The following SLC9A9 variants were observed in gnomAD, a reference collection of about 807,000 sequenced individuals.
SLC9A9 encodes the protein sodium/hydrogen exchanger 9.
SLC9A9 carries 62 observed loss-of-function variants against 77.8 expected under a neutral mutation model. That is an observed-to-expected ratio of 0.80 (90% CI 0.65 to 0.98). SLC9A9 has a LOEUF of 0.98. Among genes scored for constraint, SLC9A9 ranks in the 50% least tolerant of loss-of-function variants. SLC9A9 has a pLI of 0.00. For missense variants in SLC9A9, 775 were observed against 774.9 expected (o/e 1.00, Z 0.00); for synonymous variants, 320 against 283.5 (o/e 1.13, Z -1.29).
intron 12 of SLC9A9, among the ~76,000 whole-genome samples, chr3:143,417,708 T>C (rs920538141): frequency 2.0e-5 from 3 of 151,992 alleles, no homozygotes; most frequent in South Asian, 4.2e-4. Flanking sequence ...GCCAGCACTT[T>C]GATATTGGTC....
At chr3:143,585,852 G>A (rs985591775) in intron 6 of SLC9A9, among the ~76,000 whole-genome samples, 3 of 152,178 alleles carry the variant, frequency 2.0e-5, no homozygotes, top group Non-Finnish European at 2.9e-5. Context: ...TGTTTTGTGT[G>A]AGCCCACACT....
intron 4 of SLC9A9, among the ~76,000 whole-genome samples, chr3:143,791,891 G>A (rs569835284): frequency 1.3e-5 from 2 of 152,312 alleles, no homozygotes; most frequent in African/African-American, 4.8e-5. Flanking sequence ...CTGGGATAAT[G>A]AAGAAACGTG....
intron 6 of SLC9A9, among the ~76,000 whole-genome samples, chr3:143,637,367 A>C (rs1397588935): frequency 1.3e-5 from 2 of 152,246 alleles, no homozygotes; most frequent in African/African-American, 4.8e-5. Context: ...AATAGATTAG[A>C]CAAAGCAGAA....
intron 12 of SLC9A9, among the ~76,000 whole-genome samples, chr3:143,464,302 G>A (rs936148542): frequency 1.3e-5 from 2 of 152,124 alleles, no homozygotes; most frequent in Admixed American, 6.5e-5. Context: ...TCTAAATGAT[G>A]GGTGACTATG....
intron 4 of SLC9A9, among the ~76,000 whole-genome samples, chr3:143,745,351 G>A (rs1299376687): frequency 1.3e-5 from 2 of 152,206 alleles, no homozygotes; most frequent in East Asian, 1.9e-4. Context: ...AGAAGGAAGA[G>A]ACATGTTTGA....
At chr3:143,509,460 C>T (rs949828776) in intron 9 of SLC9A9, among the ~76,000 whole-genome samples, 1 of 151,992 alleles carries the variant, frequency 6.6e-6, no homozygotes, top group African/African-American at 2.4e-5. Flanking sequence ...TATAAAGCTC[C>T]CCTCTGTAAA....
chr3:143,598,759 A>G (rs2037800634), intron 6 of SLC9A9, among the ~76,000 whole-genome samples: 1 of 152,196 alleles, frequency 6.6e-6, no homozygotes, highest in Non-Finnish European at 1.5e-5. Flanking sequence ...TCCACTTTCC[A>G]GTTAGAGGAA....
chr3:143,691,805 A>T (rs564222240), intron 5 of SLC9A9, among the ~76,000 whole-genome samples: 19 of 152,240 alleles, frequency 1.2e-4, no homozygotes, highest in African/African-American at 4.3e-4. Flanking sequence ...TCCTATAATA[A>T]GTCCTTTCTA....
intron 10 of SLC9A9, 144 bp from the exon 11 acceptor site, chr3:143,493,908 C>A (rs1287959201): frequency 1.5e-6 from 1 of 681,418 alleles, no homozygotes; most frequent in Non-Finnish European, 2.6e-6. Context: ...ATTTGTCCAA[C>A]TTGCTTCCAA....
intron 14 of SLC9A9, among the ~76,000 whole-genome samples, chr3:143,360,793 T>C (rs1326327945): frequency 6.6e-6 from 1 of 152,194 alleles, no homozygotes; most frequent in African/African-American, 2.4e-5. Context: ...TTCAGTGATG[T>C]GATTATTAGT....
At chr3:143,487,871 A>G (rs1324794883) in intron 11 of SLC9A9, among the ~76,000 whole-genome samples, 3 of 151,838 alleles carry the variant, frequency 2.0e-5, no homozygotes, top group African/African-American at 4.8e-5. Context: ...ACCCAGAGCT[A>G]GAAGAAAGGA....
chr3:143,652,016 C>T (rs974924229), intron 6 of SLC9A9, among the ~76,000 whole-genome samples: 1 of 151,942 alleles, frequency 6.6e-6, no homozygotes, highest in Non-Finnish European at 1.5e-5. Context: ...AATATATGCA[C>T]TGAGAAAAAT....
At chr3:143,416,348 G>A (rs186856239) in intron 12 of SLC9A9, among the ~76,000 whole-genome samples, 2 of 152,236 alleles carry the variant, frequency 1.3e-5, no homozygotes, top group East Asian at 1.9e-4. Flanking sequence ...AGCACTGCAC[G>A]CTACAGAGAA....
At chr3:143,353,371 G>C (rs1343576531) in intron 14 of SLC9A9, among the ~76,000 whole-genome samples, 1 of 152,116 alleles carries the variant, frequency 6.6e-6, no homozygotes, top group East Asian at 1.9e-4. Flanking sequence ...TGCGAGTTCT[G>C]CCCTCATGAA....
Position 143,466,987 on chromosome 3 carries a change from A to G in SLC9A9, c.1469+50T>C, listed in dbSNP as rs568637262. On this transcript the variant is annotated intron_variant, in intron 12 of 15. Transcript: ENST00000316549. Reference sequence around the variant, plus strand: ...AAGTCAGCAATACCAGAAATTGAACAGCGCAGCCATGCCTCATAATGATTT... The same window carrying G: ...AAGTCAGCAATACCAGAAATTGAACGGCGCAGCCATGCCTCATAATGATTT... The G allele has an allele frequency of 1.3e-5, 20 of 1,593,500 alleles. No individual in the cohort carries two copies. The South Asian group carries it at 1.8e-4, about 14-fold the overall frequency.
intron 5 of SLC9A9, among the ~76,000 whole-genome samples, chr3:143,667,445 C>A (rs1405002289): frequency 6.6e-6 from 1 of 152,102 alleles, no homozygotes; most frequent in African/African-American, 2.4e-5. Flanking sequence ...TCTAAAACAC[C>A]AAAAGCAATG....
At chr3:143,540,683 T>C (rs2036672659) in intron 9 of SLC9A9, among the ~76,000 whole-genome samples, 1 of 152,204 alleles carries the variant, frequency 6.6e-6, no homozygotes, top group African/African-American at 2.4e-5. Context: ...CTCAAATACA[T>C]ACAAAGGACA....
At chr3:143,604,649 CAATT>C (rs917380482) in intron 6 of SLC9A9, among the ~76,000 whole-genome samples, 15 of 152,260 alleles carry the variant, frequency 9.9e-5, no homozygotes, top group South Asian at 4.1e-4. Flanking sequence ...AAATCAAACA[CAATT>C]AATATGCCTC....
chr3:143,572,260 G>A lies in SLC9A9; in HGVS notation c.1000+1828C>T, dbSNP rs118015645. Among the ~76,000 whole-genome samples, 13 of 152,062 alleles carry A rather than the reference G, an allele frequency of 8.5e-5. No homozygotes were observed. The East Asian group carries it at 2.5e-3, about 29-fold the overall frequency. Reference sequence around the variant, plus strand: ...TCTTGCTGAAATGGACAAGGAAATAGACAATTTTTACACAAATTGACAATT... The same window carrying A: ...TCTTGCTGAAATGGACAAGGAAATAAACAATTTTTACACAAATTGACAATT... On this transcript the variant is annotated intron_variant, in intron 8 of 15. Transcript: ENST00000316549.
Sources: allele counts gnomAD v4.1 joint callset (sites outside exome capture counted in the v4.1 genomes callset), GRCh38; gene constraint gnomAD v4.1.1; transcripts MANE v1.5; gene names NCBI Gene and HGNC (gene_info 2026-07-23, HGNC 2026-07-21).